The following WIPF2 variants were observed in gnomAD, a reference collection of about 807,000 sequenced individuals.
WIPF2 encodes WAS/WASL interacting protein family member 2.
A neutral mutation model predicts 38.8 loss-of-function variants in WIPF2; 23 were observed. That is an observed-to-expected ratio of 0.59 (90% confidence interval 0.43 to 0.84). WIPF2 has a LOEUF of 0.84. Ranked by LOEUF, WIPF2 falls within the 40% of genes least tolerant of loss-of-function variation. WIPF2 has a pLI of 0.00. For missense variants in WIPF2, 574 were observed against 580.5 expected (o/e 0.99, Z 0.11); for synonymous variants, 210 against 223.2 (o/e 0.94, Z 0.53).
chr17:40,247,361 G>A (rs530976427), intron 1 of WIPF2, among the ~76,000 whole-genome samples: 6 of 151,090 alleles, frequency 4.0e-5, no homozygotes, highest in African/African-American at 1.5e-4. Flanking sequence ...TAGGATTACA[G>A]GTGCGTGCCA....
chr17:40,236,485 G>T (rs2030974197), intron 1 of WIPF2, among the ~76,000 whole-genome samples: 1 of 150,120 alleles, frequency 6.7e-6, no homozygotes, highest in South Asian at 2.1e-4. Context: ...CTACAGGCGT[G>T]TGTAGAGATG....
chr17:40,268,767 A>T (rs1364614054), intron 5 of WIPF2, among the ~76,000 whole-genome samples: 1 of 152,156 alleles, frequency 6.6e-6, no homozygotes, highest in Non-Finnish European at 1.5e-5. Flanking sequence ...ACCAGAAAAA[A>T]ATTGAGATAT....
chr17:40,239,104 C>G (rs1351730291), intron 1 of WIPF2, among the ~76,000 whole-genome samples: 2 of 149,260 alleles, frequency 1.3e-5, no homozygotes, highest in East Asian at 3.9e-4. Flanking sequence ...CGGAGTCTCG[C>G]TCTGTCGCCC....
intron 2 of WIPF2, among the ~76,000 whole-genome samples, chr17:40,260,126 C>G (rs904641374): frequency 8.1e-5 from 12 of 148,470 alleles, no homozygotes; most frequent in African/African-American, 3.0e-4. Context: ...ATAGACATCT[C>G]ATGGAATCCA....
Position 40,273,881 on chromosome 17 carries a change from G to A in WIPF2, c.1062G>A (p.Pro354=), listed in dbSNP as rs749325627. The part of the protein sequence containing the change: ...PPYRMHGSEP[P]SRGKPPPPPS... Reference sequence around the variant, plus strand: ...ACCGAATGCATGGGTCAGAACCCCCGAGCCGAGGAAAGCCCCCACCTCCAC... The same window carrying A: ...ACCGAATGCATGGGTCAGAACCCCCAAGCCGAGGAAAGCCCCCACCTCCAC... The change falls in exon 6 of 8, where the codon CCG becomes CCA. Residue 354 remains proline (P), a synonymous_variant. Transcript: ENST00000323571. The A allele has an allele frequency of 4.6e-6, 6 of 1,311,312 alleles. No homozygotes were observed. The East Asian group carries it at 1.1e-4, about 24-fold the overall frequency. The allele number at this position is 1,311,312 out of a possible 1,614,324, so 81.2% of individuals were successfully genotyped here. A position where few individuals can be genotyped will look rare whatever the true frequency, so the allele number is the denominator to read the frequency against.
chr17:40,270,360 C>A (rs1275392364), intron 5 of WIPF2, among the ~76,000 whole-genome samples: 49 of 138,916 alleles, frequency 3.5e-4, no homozygotes, highest in Non-Finnish European at 1.1e-4. Context: ...AGCGAGACTC[C>A]GTCTCAAAAA....
At chr17:40,267,721 G>A (rs2032134195) in intron 5 of WIPF2, among the ~76,000 whole-genome samples, 1 of 152,140 alleles carries the variant, frequency 6.6e-6, no homozygotes, top group African/African-American at 2.4e-5. Context: ...TGTATTTTTA[G>A]TAGAAACGGG....
At chr17:40,271,217 C>G (rs1259579178) in intron 5 of WIPF2, among the ~76,000 whole-genome samples, 1 of 152,198 alleles carries the variant, frequency 6.6e-6, no homozygotes, top group Non-Finnish European at 1.5e-5. Context: ...ATCAAGCAAT[C>G]TGCCTGCCTC....
chr17:40,240,857 A>G (rs2031164717), intron 1 of WIPF2, among the ~76,000 whole-genome samples: 1 of 151,382 alleles, frequency 6.6e-6, no homozygotes, highest in Non-Finnish European at 1.5e-5. Flanking sequence ...AGGCAGGAGA[A>G]TGACATGAAC....
intron 1 of WIPF2, among the ~76,000 whole-genome samples, chr17:40,236,381 C>G (rs1439444382): frequency 1.3e-5 from 2 of 152,012 alleles, no homozygotes; most frequent in African/African-American, 4.8e-5. Context: ...CTCTGTTGCC[C>G]AGGCTGGAGT....
chr17:40,235,398 A>G (rs1324458549), intron 1 of WIPF2, among the ~76,000 whole-genome samples: 2 of 152,054 alleles, frequency 1.3e-5, no homozygotes, highest in East Asian at 3.9e-4. Context: ...CCCTAGACAT[A>G]GTAATTGTCA....
chr17:40,265,775 G>A (rs776757888), intron 5 of WIPF2, among the ~76,000 whole-genome samples: 65 of 152,068 alleles, frequency 4.3e-4, no homozygotes, highest in Non-Finnish European at 7.5e-4. Context: ...CCACTGGAGG[G>A]TTTTAAACAG....
intron 2 of WIPF2, among the ~76,000 whole-genome samples, chr17:40,257,082 G>A (rs530903150): frequency 1.2e-4 from 19 of 152,084 alleles, no homozygotes; most frequent in African/African-American, 4.1e-4. Flanking sequence ...GGGTTCAAGC[G>A]ATTCTTCTGC....
intron 1 of WIPF2, among the ~76,000 whole-genome samples, chr17:40,251,042 T>C (rs908156209): frequency 6.6e-6 from 1 of 150,576 alleles, no homozygotes; most frequent in Non-Finnish European, 1.5e-5. Flanking sequence ...GCCTCCCGAG[T>C]AGCTGGGACT....
chr17:40,276,520 C>CA (rs1160459322), intron 6 of WIPF2, among the ~76,000 whole-genome samples: 48,201 of 71,602 alleles, frequency 0.67, 17,072 homozygotes, highest in South Asian at 0.84. Context: ...GACTCCGTCT[C>CA]AAAAAAAAAA....
chr17:40,267,083 G>A (rs1255045122), intron 5 of WIPF2, among the ~76,000 whole-genome samples: 2 of 152,154 alleles, frequency 1.3e-5, no homozygotes, highest in Non-Finnish European at 1.5e-5. Context: ...GAGCGTGGGA[G>A]TGTGGGTGGA....
At chr17:40,265,977 T>TA (rs1283230770) in intron 5 of WIPF2, among the ~76,000 whole-genome samples, 1 of 152,030 alleles carries the variant, frequency 6.6e-6, no homozygotes, top group Non-Finnish European at 1.5e-5. Context: ...AGATGCCTGT[T>TA]AGGTAATCAA....
chr17:40,273,921 G>A lies in WIPF2; in HGVS notation c.1102G>A (p.Ala368Thr). 6.3e-7 allele frequency: 1 copy of A among 1,585,518 alleles called. No individual in the cohort carries two copies. Among genetic ancestry groups the A allele is most frequent in the South Asian group, 1.1e-5 (1 of 88,818 alleles). ...CCCACCTCCACCCTCAAGGACGCCA[G>A]CTGGGCCACCCCCTCCTCCTCCACC... is the stretch of plus-strand genomic sequence containing the variant. ...KPPPPPSRTP[A>T]GPPPPPPPPL... Residue 368 changes from alanine (A) to threonine (T), a missense_variant, in exon 6 of 8, where the codon GCT (alanine) becomes ACT (threonine). Transcript: ENST00000323571.
intron 1 of WIPF2, among the ~76,000 whole-genome samples, chr17:40,248,695 G>A (rs1341398573): frequency 1.3e-5 from 2 of 152,184 alleles, no homozygotes; most frequent in African/African-American, 2.4e-5. Flanking sequence ...AATTCCATTA[G>A]GGAGGAGTGT....
Sources: allele counts gnomAD v4.1 joint callset (sites outside exome capture counted in the v4.1 genomes callset), GRCh38; gene constraint gnomAD v4.1.1; transcripts MANE v1.5; gene names NCBI Gene and HGNC (gene_info 2026-07-23, HGNC 2026-07-21).